The following NEGR1 variants were observed in gnomAD, a reference collection of about 807,000 sequenced individuals.
NEGR1 encodes IgLON family member 4.
A neutral mutation model predicts 40.9 loss-of-function variants in NEGR1; 10 were observed. The observed-to-expected ratio is 0.24, with a 90% CI of 0.15 to 0.42. The LOEUF is 0.42. NEGR1 is among the 10% of genes least tolerant of loss of function. The probability of loss-of-function intolerance (pLI) is 1.00; values close to 1 mark genes in which losing one functional copy is unlikely to be tolerated. For synonymous variants in NEGR1, 185 were observed against 166.8 expected, an observed-to-expected ratio of 1.11 and a Z score of -0.84; for missense variants, 352 against 438.9, an observed-to-expected ratio of 0.80 and a Z score of 1.77.
intron 2 of NEGR1, among the ~76,000 whole-genome samples, chr1:71,828,561 T>C (rs1658725552): frequency 6.6e-6 from 1 of 151,938 alleles, no homozygotes; most frequent in East Asian, 1.9e-4. Context: ...TTCTTTCATG[T>C]TCAGTATACA....
At chr1:72,004,330 A>G (rs1646584284) in intron 1 of NEGR1, among the ~76,000 whole-genome samples, 1 of 152,072 alleles carries the variant, frequency 6.6e-6, no homozygotes, top group African/African-American at 2.4e-5. Context: ...TTGTTTTGAG[A>G]GAGTTTCCCT....
intron 5 of NEGR1, among the ~76,000 whole-genome samples, chr1:71,599,159 T>A (rs962313386): frequency 3.3e-5 from 5 of 152,238 alleles, no homozygotes; most frequent in Non-Finnish European, 7.3e-5. Context: ...ATATTTAATG[T>A]GTAATATTTA....
chr1:71,960,099 A>G (rs1378873884), intron 1 of NEGR1, among the ~76,000 whole-genome samples: 1 of 152,172 alleles, frequency 6.6e-6, no homozygotes, highest in Non-Finnish European at 1.5e-5. Flanking sequence ...GAAAGGTGCA[A>G]GAAAATGTCA....
chr1:71,872,139 C>T (rs996339564), intron 2 of NEGR1, among the ~76,000 whole-genome samples: 1 of 152,134 alleles, frequency 6.6e-6, no homozygotes, highest in African/African-American at 2.4e-5. Flanking sequence ...TTAAAAGTTT[C>T]TAAATTAACC....
intron 1 of NEGR1, among the ~76,000 whole-genome samples, chr1:72,230,672 T>C (rs1322805822): frequency 6.6e-6 from 1 of 152,182 alleles, no homozygotes; most frequent in Admixed American, 6.6e-5. Flanking sequence ...ATGCAGCTAA[T>C]ATAAATCTGA....
chr1:71,905,137 T>C (rs1195799081), intron 2 of NEGR1, among the ~76,000 whole-genome samples: 1 of 152,128 alleles, frequency 6.6e-6, no homozygotes, highest in South Asian at 2.1e-4. Flanking sequence ...GGTTGAGATA[T>C]CTGGAAAAAT....
intron 1 of NEGR1, among the ~76,000 whole-genome samples, chr1:71,957,368 T>C (rs1188336653): frequency 6.6e-6 from 1 of 152,102 alleles, no homozygotes; most frequent in Non-Finnish European, 1.5e-5. Flanking sequence ...AAATCCAGTT[T>C]TATGAACACT....
intron 2 of NEGR1, among the ~76,000 whole-genome samples, chr1:71,912,448 A>G (rs930077100): frequency 3.3e-5 from 5 of 152,186 alleles, no homozygotes; most frequent in Admixed American, 3.3e-4. Flanking sequence ...CTTTCATTTC[A>G]TCCGTAACCT....
At chr1:71,749,104 C>T (rs769533858) in intron 3 of NEGR1, among the ~76,000 whole-genome samples, 2 of 152,108 alleles carry the variant, frequency 1.3e-5, no homozygotes, top group Non-Finnish European at 2.9e-5. Context: ...ATCAACAAAA[C>T]TAACAAAAAA....
intron 1 of NEGR1, among the ~76,000 whole-genome samples, chr1:72,177,166 A>G (rs1037031040): frequency 5.3e-5 from 8 of 152,102 alleles, no homozygotes; most frequent in African/African-American, 1.9e-4. Flanking sequence ...TAAGATAGAT[A>G]CCACTGTTAC....
chr1:72,185,705 T>A (rs1294299894), intron 1 of NEGR1, among the ~76,000 whole-genome samples: 1 of 151,872 alleles, frequency 6.6e-6, no homozygotes, highest in Non-Finnish European at 1.5e-5. Context: ...CATCAGAACC[T>A]GAGTTGAAAA....
chr1:71,760,646 A>C (rs925052257), intron 3 of NEGR1, among the ~76,000 whole-genome samples: 1 of 152,210 alleles, frequency 6.6e-6, no homozygotes, highest in Non-Finnish European at 1.5e-5. Flanking sequence ...TGTAATCTAA[A>C]GATCTGGTAT....
At chr1:71,462,550 A>G (rs1646721105) in intron 6 of NEGR1, among the ~76,000 whole-genome samples, 3 of 152,142 alleles carry the variant, frequency 2.0e-5, no homozygotes, top group South Asian at 4.1e-4. Flanking sequence ...AGATACTTCA[A>G]ATGATTTTAC....
At chr1:71,607,087 AG>A (rs905776753) in intron 5 of NEGR1, among the ~76,000 whole-genome samples, 1 of 152,248 alleles carries the variant, frequency 6.6e-6, no homozygotes, top group African/African-American at 2.4e-5. Context: ...AAATCAAAAA[AG>A]GTCTCTAGGA....
At chr1:71,587,767 C>A (rs979535813) in intron 6 of NEGR1, among the ~76,000 whole-genome samples, 33 of 152,060 alleles carry the variant, frequency 2.2e-4, no homozygotes, top group African/African-American at 7.7e-4. Flanking sequence ...TTTAGGTACA[C>A]CTGAGATGGG....
chr1:71,640,745 T>C (rs1651322273), intron 4 of NEGR1, among the ~76,000 whole-genome samples: 1 of 152,048 alleles, frequency 6.6e-6, no homozygotes. Flanking sequence ...AGCTTCTGAC[T>C]AGAACACAAT....
At chr1:71,635,328 C>T (rs984602548) in intron 4 of NEGR1, among the ~76,000 whole-genome samples, 23 of 152,050 alleles carry the variant, frequency 1.5e-4, no homozygotes, top group African/African-American at 5.6e-4. Context: ...AAAAACAAAA[C>T]TAAAACAATC....
intron 3 of NEGR1, among the ~76,000 whole-genome samples, chr1:71,755,093 C>T (rs1465801994): frequency 6.6e-6 from 1 of 152,172 alleles, no homozygotes. Context: ...CATAGCAAAA[C>T]AGAAATTCTG....
chr1:72,270,058 G>A (rs1341779243), intron 1 of NEGR1, among the ~76,000 whole-genome samples: 1 of 151,766 alleles, frequency 6.6e-6, no homozygotes, highest in Non-Finnish European at 1.5e-5. Flanking sequence ...AAGATAATGA[G>A]AAAGGCACTG....
Sources: gnomAD v4.1 joint callset for allele counts (sites outside exome capture counted in the v4.1 genomes callset) on GRCh38, gnomAD v4.1.1 for gene constraint, MANE v1.5 for transcripts, NCBI Gene and HGNC (gene_info 2026-07-23, HGNC 2026-07-21) for gene names.